NAV2: variants seen among roughly 807,000 people sequenced by gnomAD.
NAV2 encodes neuron navigator 2, also known as helicase, APC down-regulated 1.
Under a neutral mutation model 223.2 loss-of-function variants are expected in NAV2, and 54 were observed. That is an observed-to-expected ratio of 0.24 (90% confidence interval 0.19 to 0.30). The LOEUF is 0.30. Ranked by LOEUF, NAV2 falls within the 10% of genes least tolerant of loss-of-function variation. NAV2 has a pLI of 1.00. For synonymous variants in NAV2, 1,279 were observed against 1,239.3 expected (o/e 1.03, Z -0.67); for missense variants, 2,806 against 3,147.5 (o/e 0.89, Z 2.60).
In NAV2 at chr11:19,868,984, G is replaced by A. The variant is rs757337286; in HGVS notation, c.498G>A (p.Gly166=). 2.5e-6 allele frequency: 4 copies of A among 1,613,892 alleles called. No homozygotes were observed. The highest frequency in any genetic ancestry group is 3.4e-6 in the Non-Finnish European group (4 of 1,179,890). The change falls in exon 4 of 38, where the codon GGG becomes GGA. Residue 166 remains glycine (G), a synonymous_variant. Coordinates refer to ENST00000349880, the MANE Select transcript of NAV2 (RefSeq NM_145117.5). The part of the protein sequence containing the change: ...FLAAKGINIQ[G]LSAEEIRNGN... ...CAGCTAAGGGAATAAACATCCAGGG[G>A]CTGTCTGCAGAAGGTGAGTCAGAGC...
intron 22 of NAV2, among the ~76,000 whole-genome samples, chr11:20,075,710 C>T (rs2059695876): frequency 6.6e-6 from 1 of 152,070 alleles, no homozygotes; most frequent in African/African-American, 2.4e-5. Flanking sequence ...CTCTTTACCC[C>T]TCACATCTCT....
rs1464026699 is a variant in NAV2 at position 20,044,192 on chromosome 11, G to A, written c.3119G>A (p.Gly1040Asp). The change falls in exon 13 of 38, where the codon GGC (glycine) becomes GAC (aspartate). Residue 1040 changes from glycine to aspartate, a missense_variant. By Grantham distance (94) the Gly-to-Asp change is moderately conservative (BLOSUM62 -1). Coordinates refer to ENST00000349880, the MANE Select transcript of NAV2 (RefSeq NM_145117.5). ...TCCCAGACAGGCTCATGGCGGCGAG[G>A]CATGACAGCTCAGGTGGGCATCACC... The part of the protein sequence containing the change: ...VISQTGSWRR[G>D]MTAQVGITMP... The A allele has an allele frequency of 6.2e-7, 1 of 1,614,214 alleles. No individual in the cohort carries two copies. The highest frequency in any genetic ancestry group is 1.6e-4 in the Middle Eastern group (1 of 6,062).
intron 12 of NAV2, among the ~76,000 whole-genome samples, chr11:20,037,148 C>T (rs1373272452): frequency 3.9e-5 from 6 of 152,028 alleles, no homozygotes; most frequent in East Asian, 3.9e-4. Flanking sequence ...CATTTGCAGG[C>T]GCCACCCCTC....
chr11:19,905,896 T>C (rs879839917), intron 6 of NAV2, among the ~76,000 whole-genome samples: 1 of 152,310 alleles, frequency 6.6e-6, no homozygotes, highest in Non-Finnish European at 1.5e-5. Flanking sequence ...ATAAAACTTG[T>C]GGGAGCGAAC....
chr11:19,460,737 T>A (rs912382632), intron 1 of NAV2, among the ~76,000 whole-genome samples: 1 of 152,098 alleles, frequency 6.6e-6, no homozygotes, highest in Middle Eastern at 3.4e-3. Context: ...TGTATACATA[T>A]GTAACAAACC....
chr11:19,734,369 G>A (rs1025597006), intron 1 of NAV2, among the ~76,000 whole-genome samples: 1 of 152,210 alleles, frequency 6.6e-6, no homozygotes, highest in African/African-American at 2.4e-5. Context: ...ATCAGCTTCA[G>A]TGCAAGGGGA....
Position 20,107,692 on chromosome 11 carries a change from C to G in NAV2, c.6870C>G (p.Ile2290Met). Reference protein sequence around the residue: ...IGPRLFLSCPIDVDGSRVWFT... With the variant: ...IGPRLFLSCPMDVDGSRVWFT... ...CCCGGCTCTTCCTGTCATGCCCCATCGATGTGGACGGCTCGAGAGTGTGGT... is the reference window on the plus strand; with the variant it reads ...CCCGGCTCTTCCTGTCATGCCCCATGGATGTGGACGGCTCGAGAGTGTGGT... Residue 2290 changes from isoleucine to methionine, a missense_variant, in exon 36 of 38, where the codon ATC becomes ATG. Around this residue, in one of 4 missense-constraint regions of NAV2, gnomAD observed 824 missense variants for 1,069.4 expected, o/e 0.77. Coordinates refer to ENST00000349880, the MANE Select transcript of NAV2 (RefSeq NM_145117.5). 2.5e-6 allele frequency: 4 copies of G among 1,614,144 alleles called. No individual in the cohort carries two copies. Among genetic ancestry groups the G allele is most frequent in the Non-Finnish European group, 3.4e-6 (4 of 1,179,994 alleles).
chr11:19,654,390 A>C (rs993550999), intron 1 of NAV2, among the ~76,000 whole-genome samples: 9 of 152,132 alleles, frequency 5.9e-5, no homozygotes, highest in African/African-American at 1.9e-4. Context: ...GGAAAAAACT[A>C]CTTTAAAGTT....
rs73428633 is a variant in NAV2, at chr11:19,353,005, G to A, written c.75+1978G>A. 9.4e-3 allele frequency among the ~76,000 whole-genome samples: 1,425 copies of A among 152,180 alleles called. 33 individuals carry two copies. The highest frequency in any genetic ancestry group is 0.033 in the African/African-American group (1,356 of 41,492). ...GTGCAGCCTGGAATGTCTTGTCCACGAAGCTGAAAGGCGACTCTACAGTGT... is the reference window on the plus strand; with the variant it reads ...GTGCAGCCTGGAATGTCTTGTCCACAAAGCTGAAAGGCGACTCTACAGTGT... On this transcript the variant is annotated intron_variant, in intron 1 of 37. Transcript: ENST00000360655.
chr11:19,742,376 G>T (rs1038704551), intron 1 of NAV2, among the ~76,000 whole-genome samples: 1 of 152,188 alleles, frequency 6.6e-6, no homozygotes, highest in African/African-American at 2.4e-5. Context: ...CAAGTGCAAG[G>T]CACTTAACAC....
chr11:19,870,412 C>T (rs189672140), intron 4 of NAV2, among the ~76,000 whole-genome samples: 82 of 152,208 alleles, frequency 5.4e-4, no homozygotes, highest in Admixed American at 4.1e-3. Flanking sequence ...GCCTGTGTCC[C>T]CCAGCAGAGC....
At chr11:19,949,133 G>T in intron 10 of NAV2, 53 bp downstream of exon 10, 5 of 1,521,486 alleles carry the variant, frequency 3.3e-6, no homozygotes, top group Non-Finnish European at 4.4e-6. Flanking sequence ...CTTGGCACCT[G>T]GCTTCTCTTT....
At chr11:20,009,360 A>G (rs1247922983) in intron 11 of NAV2, among the ~76,000 whole-genome samples, 5 of 152,152 alleles carry the variant, frequency 3.3e-5, no homozygotes, top group African/African-American at 1.2e-4. Context: ...TGATTATCCA[A>G]AATGAAGTGC....
intron 1 of NAV2, among the ~76,000 whole-genome samples, chr11:19,400,786 A>G (rs978381030): frequency 6.6e-6 from 1 of 152,166 alleles, no homozygotes; most frequent in Non-Finnish European, 1.5e-5. Context: ...TATTATAATC[A>G]TTATCATCAT....
At chr11:19,895,673 C>A (rs1208938510) in intron 6 of NAV2, among the ~76,000 whole-genome samples, 1 of 152,178 alleles carries the variant, frequency 6.6e-6, no homozygotes, top group Non-Finnish European at 1.5e-5. Flanking sequence ...TGGTCCCAGT[C>A]TGTAGAAGGG....
At position 20,083,133 on chromosome 11, in the gene NAV2, T is replaced by C; in HGVS notation, c.5452T>C (p.Ser1818Pro). The C allele has an allele frequency of 6.2e-7, 1 of 1,614,060 alleles. No individual in the cohort carries two copies. The highest frequency in any genetic ancestry group is 8.5e-7 in the Non-Finnish European group (1 of 1,179,956). ...CTCACCAAAGTTACCGCACAATGGG[T>C]CCACAGGTTCCACCCCACTGCTGAG... ...PSSPKLPHNG[S>P]TGSTPLLRNS... The change falls in exon 26 of 38, where the codon TCC becomes CCC. Residue 1818 changes from serine (S) to proline (P), a missense_variant. Ser to Pro is a moderately conservative substitution (Grantham distance 74, BLOSUM62 -1). This residue lies in a region of NAV2 where 824 missense variants were observed against 1,069.4 expected (regional missense o/e 0.77). Transcript: ENST00000349880.
At chr11:19,535,384 G>A (rs1201755799) in intron 1 of NAV2, among the ~76,000 whole-genome samples, 1 of 152,132 alleles carries the variant, frequency 6.6e-6, no homozygotes, top group East Asian at 1.9e-4. Context: ...GGAGGCCCAG[G>A]TGGGGAACTA....
At chr11:19,791,429 G>T (rs575774154) in intron 1 of NAV2, among the ~76,000 whole-genome samples, 2 of 152,136 alleles carry the variant, frequency 1.3e-5, no homozygotes, top group Non-Finnish European at 1.5e-5. Context: ...CCTGGCCCAG[G>T]TGTGGAGCCC....
chr11:19,387,738 C>A (rs1223794188), intron 1 of NAV2, among the ~76,000 whole-genome samples: 1 of 152,126 alleles, frequency 6.6e-6, no homozygotes, highest in Non-Finnish European at 1.5e-5. Context: ...ACTCTGTAGT[C>A]ATTTGTTTTC....
Sources: gnomAD v4.1 joint callset for allele counts (sites outside exome capture counted in the v4.1 genomes callset) on GRCh38, gnomAD v4.1.1 for gene constraint, gnomAD v4.1.1 regional missense constraint, MANE v1.5 for transcripts, NCBI Gene and HGNC (gene_info 2026-07-23, HGNC 2026-07-21) for gene names.